The following MYO5B variants were observed in gnomAD, a reference collection of about 807,000 sequenced individuals.
MYO5B encodes the protein unconventional myosin-Vb.
A neutral mutation model predicts 229.3 loss-of-function variants in MYO5B; 143 were observed. The ratio of observed to expected loss-of-function variants is 0.62; its 90% CI spans 0.54 to 0.72. MYO5B has a LOEUF of 0.72. Among genes scored for constraint, MYO5B ranks in the 30% least tolerant of loss-of-function variants. The pLI, the probability that MYO5B is intolerant of heterozygous loss-of-function variation, is 0.00. For missense variants in MYO5B, 2,321 were observed against 2,331.0 expected (o/e 1.00, Z 0.09); for synonymous variants, 918 against 885.2 (o/e 1.04, Z -0.66).
intron 2 of MYO5B, among the ~76,000 whole-genome samples, chr18:50,040,950 T>G (rs1460486936): frequency 6.6e-6 from 1 of 152,216 alleles, no homozygotes; most frequent in Non-Finnish European, 1.5e-5. Flanking sequence ...TTGGACAACA[T>G]TAAGCACCCA....
chr18:50,124,268 A>G (rs1351288219), intron 1 of MYO5B, among the ~76,000 whole-genome samples: 2 of 152,232 alleles, frequency 1.3e-5, no homozygotes, highest in Non-Finnish European at 2.9e-5. Context: ...AGACTTCGTT[A>G]TAAAACTGTG....
rs1459666103 is a variant in MYO5B at position 50,001,358 on chromosome 18, G to A, written c.509C>T (p.Thr170Met). 9.9e-6 allele frequency: 16 copies of A among 1,614,042 alleles called. No individual in the cohort carries two copies. Among genetic ancestry groups the A allele is most frequent in the African/African-American group, 1.3e-5 (1 of 74,934 alleles). The change falls in exon 5 of 40, where the codon ACG (threonine) becomes ATG (methionine). Residue 170 changes from threonine (T) to methionine (M), a missense_variant. Thr to Met is a moderately conservative substitution (Grantham distance 81, BLOSUM62 -1). Around this residue, in one of 2 missense-constraint regions of MYO5B, gnomAD observed 2,113 missense variants for 2,044.7 expected, o/e 1.03. Coordinates refer to ENST00000285039, the MANE Select transcript of MYO5B (RefSeq NM_001080467.3). ...IVSGESGAGK[T>M]VSAKYAMRYF... is the part of the protein sequence containing the mutation. Reference sequence around the variant, plus strand: ...GCGCATGGCATACTTGGCTGATACCGTCTTCCCGGCTCCAGACTCCCCACT... The same window carrying A: ...GCGCATGGCATACTTGGCTGATACCATCTTCCCGGCTCCAGACTCCCCACT...
chr18:49,937,285 T>A lies in MYO5B; in HGVS notation c.1865A>T (p.Lys622Ile). ...TTTCTTGTGCTCCTTGTTGGAGACT[T>A]TCATGGGGGGTCTGGCAGAACGGAC... ...ISVRSARPPM[K>I]VSNKEHKKTV... Residue 622 changes from lysine to isoleucine, a missense_variant, in exon 15 of 40, where the codon AAA (lysine) becomes ATA (isoleucine). Around this residue, in one of 2 missense-constraint regions of MYO5B, gnomAD observed 2,113 missense variants for 2,044.7 expected, o/e 1.03. Coordinates refer to ENST00000285039, the MANE Select transcript of MYO5B (RefSeq NM_001080467.3). 6.2e-7 allele frequency: 1 copy of A among 1,614,094 alleles called. No homozygotes were observed. The highest frequency in any genetic ancestry group is 8.5e-7 in the Non-Finnish European group (1 of 1,180,004).
At chr18:49,853,303 C>T in intron 31 of MYO5B, 146 bp downstream of exon 31, 1 of 826,756 alleles carries the variant, frequency 1.2e-6, no homozygotes, top group Non-Finnish European at 2.0e-6. Context: ...GTGAAGGGGT[C>T]TTGACCGGAG....
At chr18:50,135,300 G>A (rs1420992313) in intron 1 of MYO5B, among the ~76,000 whole-genome samples, 1 of 152,196 alleles carries the variant, frequency 6.6e-6, no homozygotes, top group Non-Finnish European at 1.5e-5. Context: ...AGACAGTCTA[G>A]CAGACAGGCG....
chr18:50,154,636 T>A (rs1297066075), intron 1 of MYO5B, among the ~76,000 whole-genome samples: 1 of 152,236 alleles, frequency 6.6e-6, no homozygotes, highest in African/African-American at 2.4e-5. Flanking sequence ...TAGTGCAATA[T>A]GCTTGACAAG....
chr18:49,987,278 A>G (rs115540721), intron 7 of MYO5B, among the ~76,000 whole-genome samples: 1,937 of 152,278 alleles, frequency 0.013, 40 homozygotes, highest in African/African-American at 0.043. Context: ...TCTGAAACCA[A>G]TCAAAATGAT....
At chr18:49,834,659 A>G (rs562362097) in intron 39 of MYO5B, among the ~76,000 whole-genome samples, 1 of 151,482 alleles carries the variant, frequency 6.6e-6, no homozygotes, top group Non-Finnish European at 1.5e-5. Flanking sequence ...TTTTTTTGAG[A>G]CAAGAGTCTC....
intron 14 of MYO5B, among the ~76,000 whole-genome samples, chr18:49,946,985 A>AC (rs11390825): frequency 1 from 152,330 of 152,340 alleles, 76,161 homozygotes; most frequent in Non-Finnish European, 1. Flanking sequence ...AATACAAATT[A>AC]TGGTTCCATC....
intron 12 of MYO5B, among the ~76,000 whole-genome samples, chr18:49,957,537 T>C (rs3897686): frequency 0.54 from 81,770 of 151,868 alleles, 22,293 homozygotes; most frequent in South Asian, 0.6. Context: ...CCCCAGCTAC[T>C]GGGGAGACTA....
intron 1 of MYO5B, among the ~76,000 whole-genome samples, chr18:50,188,316 T>C (rs1288640550): frequency 1.3e-5 from 2 of 152,146 alleles, no homozygotes; most frequent in Non-Finnish European, 2.9e-5. Context: ...AAAGGAAGCC[T>C]TTCCCGCAAT....
intron 7 of MYO5B, among the ~76,000 whole-genome samples, chr18:49,985,821 C>T (rs2025864854): frequency 6.6e-6 from 1 of 152,190 alleles, no homozygotes; most frequent in African/African-American, 2.4e-5. Context: ...TGCTTAGATG[C>T]AGCTTCACTG....
At chr18:49,916,234 C>G (rs2025012559) in intron 17 of MYO5B, among the ~76,000 whole-genome samples, 1 of 152,240 alleles carries the variant, frequency 6.6e-6, no homozygotes, top group Admixed American at 6.5e-5. Flanking sequence ...TTGAAAACCT[C>G]TTACTGCTGA....
At chr18:50,022,072 G>A (rs1024467794) in intron 4 of MYO5B, among the ~76,000 whole-genome samples, 1 of 152,068 alleles carries the variant, frequency 6.6e-6, no homozygotes, top group South Asian at 2.1e-4. Context: ...TTTCACCCCA[G>A]GAGTGTCTCT....
intron 1 of MYO5B, among the ~76,000 whole-genome samples, chr18:50,177,837 AG>A (rs2144343241): frequency 6.6e-6 from 1 of 152,342 alleles, no homozygotes; most frequent in East Asian, 1.9e-4. Flanking sequence ...GGGAATAGCA[AG>A]AGGTGAAGCC....
Position 49,912,223 on chromosome 18 carries a change from A to G in MYO5B, c.2091-50T>C, listed in dbSNP as rs746925199. On this transcript the variant is annotated intron_variant, in intron 17 of 39. Transcript: ENST00000285039. ...AGGTGACACATCCTGCCTCTTGGCCACACAAAAGCCAGGCGTGACCTCAGA... is the reference window on the plus strand; with the variant it reads ...AGGTGACACATCCTGCCTCTTGGCCGCACAAAAGCCAGGCGTGACCTCAGA... The G allele has an allele frequency of 4.9e-6, 7 of 1,437,910 alleles. No individual in the cohort carries two copies. The South Asian group carries it at 8.0e-5, about 16-fold the overall frequency. The allele number at this position is 1,437,910 out of a possible 1,614,324, so 89.1% of individuals were successfully genotyped here. A position where few individuals can be genotyped will look rare whatever the true frequency, so the allele number is the denominator to read the frequency against.
intron 17 of MYO5B, among the ~76,000 whole-genome samples, chr18:49,914,840 C>G (rs1453281400): frequency 1.3e-5 from 2 of 150,994 alleles, no homozygotes; most frequent in African/African-American, 4.9e-5. Context: ...GTATCACATA[C>G]AGCTTTGGAT....
At chr18:50,033,248 C>T (rs147456772) in intron 4 of MYO5B, among the ~76,000 whole-genome samples, 10 of 152,222 alleles carry the variant, frequency 6.6e-5, no homozygotes, top group East Asian at 1.9e-4. Context: ...TGCCTTTTGA[C>T]GCCCCACTTC....
intron 1 of MYO5B, among the ~76,000 whole-genome samples, chr18:50,174,597 T>C (rs1053436883): frequency 6.6e-6 from 1 of 152,100 alleles, no homozygotes; most frequent in African/African-American, 2.4e-5. Flanking sequence ...TATACACCAA[T>C]ATAAGACGAC....
Sources: allele counts gnomAD v4.1 joint callset (sites outside exome capture counted in the v4.1 genomes callset), GRCh38; gene constraint gnomAD v4.1.1; regional missense constraint gnomAD v4.1.1; transcripts MANE v1.5; gene names NCBI Gene and HGNC (gene_info 2026-07-23, HGNC 2026-07-21).